The following UBFD1 variants were observed in gnomAD, a reference collection of about 807,000 sequenced individuals.
The protein encoded by UBFD1 is ubiquitin family domain containing 1.
In UBFD1, 12 loss-of-function variants were observed where a neutral mutation model predicts 35.1. The observed-to-expected ratio is 0.34, with a 90% CI of 0.22 to 0.55. UBFD1 has a LOEUF of 0.55. Ranked by LOEUF, UBFD1 falls within the 20% of genes least tolerant of loss-of-function variation. UBFD1 has a pLI of 0.89. For synonymous variants in UBFD1, 178 were observed against 167.6 expected, an observed-to-expected ratio of 1.06 and a Z score of -0.48; for missense variants, 337 against 410.8, an observed-to-expected ratio of 0.82 and a Z score of 1.55.
chr16:23,563,749 G>A (rs1044331601), intron 5 of UBFD1, among the ~76,000 whole-genome samples: 1 of 152,180 alleles, frequency 6.6e-6, no homozygotes, highest in Non-Finnish European at 1.5e-5. Context: ...TGGCCCGTTT[G>A]CCCTGTGGTC....
intron 6 of UBFD1, among the ~76,000 whole-genome samples, chr16:23,569,887 ATC>A (rs1966060868): frequency 6.6e-6 from 1 of 152,236 alleles, no homozygotes; most frequent in Admixed American, 6.5e-5. Flanking sequence ...CAACATAAGA[ATC>A]TGTCAGTATT....
rs919010158 is a variant in UBFD1, at chr16:23,562,551, A to G, written c.631-74A>G. ...CCAGTGTGCTGGGATTACAGGCGTG[A>G]GCCACCGCGCTTGGCCCCCTTCTCT... On this transcript the variant is annotated intron_variant, in intron 4 of 6. Coordinates refer to ENST00000395878, the MANE Select transcript of UBFD1 (RefSeq NM_019116.3). 5.0e-6 allele frequency: 7 copies of G among 1,399,510 alleles called. No homozygotes were observed. In the African/African-American group the frequency reaches 1.0e-4, roughly 20 times the overall value. The allele number at this position is 1,399,510 out of a possible 1,614,324, so 86.7% of individuals were successfully genotyped here.
intron 5 of UBFD1, chr16:23,565,067 G>A (rs963768723): frequency 6.6e-6 from 1 of 152,322 alleles, no homozygotes; most frequent in Non-Finnish European, 1.5e-5. Context: ...CCAAGGGGCA[G>A]GCAGTCTTGT....
chr16:23,570,453 C>A (rs769176583), intron 6 of UBFD1, 27 bp from the exon 7 acceptor site: 3 of 1,579,626 alleles, frequency 1.9e-6, no homozygotes, highest in Non-Finnish European at 2.6e-6. Context: ...TCTGAAGTAC[C>A]GCTTGGTTTT....
intron 2 of UBFD1, among the ~76,000 whole-genome samples, chr16:23,558,532 C>T (rs1043111361): frequency 2.6e-5 from 4 of 152,318 alleles, no homozygotes; most frequent in Non-Finnish European, 2.9e-5. Context: ...GTTGCTCTAA[C>T]ATCTCTAATT....
Position 23,559,704 on chromosome 16 carries a change from T to C in UBFD1, c.564+28T>C, listed in dbSNP as rs1166276246. On this transcript the variant is annotated intron_variant, in intron 3 of 6. Coordinates refer to ENST00000395878, the MANE Select transcript of UBFD1 (RefSeq NM_019116.3). Reference sequence around the variant, plus strand: ...GAGTCCATCTTGTGCTTCTTGGTCTTGAGAAATTTGAGGCTTTGTCCTCTT... The same window carrying C: ...GAGTCCATCTTGTGCTTCTTGGTCTCGAGAAATTTGAGGCTTTGTCCTCTT... The C allele has an allele frequency of 1.9e-6, 3 of 1,613,454 alleles. No homozygotes were observed. The African/African-American group carries it at 4.0e-5, about 22-fold the overall frequency.
At chr16:23,557,843 C>T (rs1484173085) in intron 1 of UBFD1, 76 bp downstream of exon 1, 4 of 1,276,902 alleles carry the variant, frequency 3.1e-6, no homozygotes, top group Non-Finnish European at 4.0e-6. Context: ...GCGGCCCGGC[C>T]CGGGAGGGAG....
chr16:23,560,327 T>C (rs1414598661), intron 3 of UBFD1, among the ~76,000 whole-genome samples: 1 of 152,246 alleles, frequency 6.6e-6, no homozygotes, highest in African/African-American at 2.4e-5. Flanking sequence ...ATTATTTTAC[T>C]ATGGAAGGAA....
rs771306276 is a variant in UBFD1, at chr16:23,562,792, C to A, written c.736+62C>A. On this transcript the variant is annotated intron_variant, in intron 5 of 6. Coordinates refer to ENST00000395878, the MANE Select transcript of UBFD1 (RefSeq NM_019116.3). ...TGCCTCTGGCACCCAGCAGCACTCACATTTTAGAGTGCGATTTCACCCCTC... is the reference window on the plus strand; with the variant it reads ...TGCCTCTGGCACCCAGCAGCACTCAAATTTTAGAGTGCGATTTCACCCCTC... 454 of 1,397,448 alleles carry A rather than the reference C, an allele frequency of 3.2e-4. 3 individuals carry two copies. Among genetic ancestry groups the A allele is most frequent in the Non-Finnish European group, 4.5e-4 (447 of 985,860 alleles). 86.6% of individuals were successfully genotyped at this position (1,397,448 alleles called of 1,614,324 possible).
chr16:23,557,863 T>C, intron 1 of UBFD1, 87 bp from the exon 2 acceptor site: 5 of 1,270,758 alleles, frequency 3.9e-6, no homozygotes, highest in Non-Finnish European at 5.0e-6. Flanking sequence ...GAACCGCGGC[T>C]CGGGAACGGA....
intron 2 of UBFD1, 78 bp downstream of exon 2, chr16:23,558,357 G>A: frequency 6.5e-7 from 1 of 1,527,300 alleles, no homozygotes. Context: ...GGCACCTGGT[G>A]GCTTTCCTTG....
chr16:23,573,191 A>C lies in UBFD1; in HGVS notation c.*2601A>C, dbSNP rs1966109656. 6.6e-6 allele frequency: 1 copy of C among 152,034 alleles called. No homozygotes were observed. Among genetic ancestry groups the C allele is most frequent in the Non-Finnish European group, 1.5e-5 (1 of 67,996 alleles). 9.4% of individuals were successfully genotyped at this position (152,034 alleles called of 1,614,324 possible). A position where few individuals can be genotyped will look rare whatever the true frequency, so the allele number is the denominator to read the frequency against. On this transcript the variant is annotated 3_prime_UTR_variant, in exon 7 of 7. Coordinates refer to ENST00000395878, the MANE Select transcript of UBFD1 (RefSeq NM_019116.3). ...GTCAGAGGGACCAGATCTTTCCCTC[A>C]CTGTGGCAGGGGCCGTGCAGGTGGA...
At chr16:23,562,405 A>G (rs950197576) in intron 4 of UBFD1, 134 bp downstream of exon 4, 5 of 901,264 alleles carry the variant, frequency 5.5e-6, no homozygotes, top group Non-Finnish European at 8.4e-6. Context: ...TCTGTCACCC[A>G]GGCTGGGGTG....
At chr16:23,559,702 C>T (rs754820600) in intron 3 of UBFD1, 26 bp downstream of exon 3, 35 of 1,613,594 alleles carry the variant, frequency 2.2e-5, no homozygotes, top group Non-Finnish European at 2.5e-5. Context: ...GCTTCTTGGT[C>T]TTGAGAAATT....
chr16:23,562,011 G>C, intron 3 of UBFD1, 195 bp from the exon 4 acceptor site: 1 of 569,510 alleles, frequency 1.8e-6, no homozygotes, highest in Non-Finnish European at 3.1e-6. Context: ...GCTAGCACAG[G>C]TACGAACATA....
intron 5 of UBFD1, 171 bp from the exon 6 acceptor site, chr16:23,566,816 C>T (rs1037414130): frequency 1.6e-5 from 10 of 610,604 alleles, no homozygotes; most frequent in African/African-American, 3.7e-5. Flanking sequence ...ACACGAAGCC[C>T]TATGTGCACT....
At chr16:23,561,803 G>A (rs1490905700) in intron 3 of UBFD1, 1 of 160,098 alleles carries the variant, frequency 6.2e-6, no homozygotes, top group African/African-American at 2.4e-5. Context: ...TAGTTTGATG[G>A]TTTAATCATT....
At position 23,566,984 on chromosome 16, in the gene UBFD1, T is replaced by C; in HGVS notation, c.737-3T>C. ...ATAATCACTGTAATCCCTCTCAACTTAGAGCGGACTGAGAAATTGCCCATG... is the reference window on the plus strand; with the variant it reads ...ATAATCACTGTAATCCCTCTCAACTCAGAGCGGACTGAGAAATTGCCCATG... On this transcript the variant is annotated splice_polypyrimidine_tract_variant and splice_region_variant and intron_variant, in intron 5 of 6. Transcript: ENST00000395878. The C allele has an allele frequency of 6.2e-7, 1 of 1,614,100 alleles. No individual in the cohort carries two copies. Among genetic ancestry groups the C allele is most frequent in the Non-Finnish European group, 8.5e-7 (1 of 1,179,972 alleles).
chr16:23,565,418 A>C (rs1159954718), intron 5 of UBFD1: 1 of 152,216 alleles, frequency 6.6e-6, no homozygotes, highest in Non-Finnish European at 1.5e-5. Flanking sequence ...TGAAGGTCTG[A>C]TGTAGTGATC....
Sources: allele counts gnomAD v4.1 joint callset (sites outside exome capture counted in the v4.1 genomes callset), GRCh38; gene constraint gnomAD v4.1.1; transcripts MANE v1.5; gene names NCBI Gene and HGNC (gene_info 2026-07-23, HGNC 2026-07-21).